The following ZFHX3 variants were observed in gnomAD, a reference collection of about 807,000 sequenced individuals.
ZFHX3 encodes the protein zinc finger homeobox protein 3.
Under a neutral mutation model 279.1 loss-of-function variants are expected in ZFHX3, and 42 were observed. That is an observed-to-expected ratio of 0.15 (90% CI 0.12 to 0.19). ZFHX3 has a LOEUF of 0.19. Among genes scored for constraint, ZFHX3 ranks in the 10% least tolerant of loss-of-function variants. The pLI is 1.00. For synonymous variants in ZFHX3, 2,293 were observed against 1,957.8 expected, an observed-to-expected ratio of 1.17 and a Z score of -4.52; for missense variants, 4,981 against 4,754.0, an observed-to-expected ratio of 1.05 and a Z score of -1.40.
intron 4 of ZFHX3, among the ~76,000 whole-genome samples, chr16:72,864,068 G>T (rs1291067693): frequency 6.6e-6 from 1 of 151,998 alleles, no homozygotes; most frequent in Non-Finnish European, 1.5e-5. Context: ...AGTGAGCCGA[G>T]ACAGTGCCAC....
At chr16:73,810,093 T>C (rs138657262) in intron 1 of ZFHX3, among the ~76,000 whole-genome samples, 3 of 152,170 alleles carry the variant, frequency 2.0e-5, no homozygotes, top group African/African-American at 7.2e-5. Context: ...AGTCTATATA[T>C]GAGGCTTAAT....
At chr16:72,808,386 T>C (rs2036334937) in intron 7 of ZFHX3, among the ~76,000 whole-genome samples, 2 of 152,182 alleles carry the variant, frequency 1.3e-5, no homozygotes, top group South Asian at 4.1e-4. Flanking sequence ...AAATGCATAG[T>C]TTGGCTCAAT....
At position 73,834,451 on chromosome 16, in the gene ZFHX3, C is replaced by T. The variant is rs538253644; in HGVS notation, c.-1608+57200G>A. Among the ~76,000 whole-genome samples, 3 of 152,274 alleles carry T rather than the reference C, an allele frequency of 2.0e-5. No individual in the cohort carries two copies. In the South Asian group the frequency reaches 6.2e-4, roughly 32 times the overall value. Reference sequence around the variant, plus strand: ...GTGTTCTTGGAGGGATGGCAGGTCCCAAGAGAAAGAAGCACACAGCCAAGC... The same window carrying T: ...GTGTTCTTGGAGGGATGGCAGGTCCTAAGAGAAAGAAGCACACAGCCAAGC... On this transcript the variant is annotated intron_variant, in intron 1 of 17. Transcript: ENST00000641206.
At chr16:72,910,425 T>G (rs543602302) in intron 3 of ZFHX3, among the ~76,000 whole-genome samples, 1 of 152,314 alleles carries the variant, frequency 6.6e-6, no homozygotes, top group East Asian at 1.9e-4. Flanking sequence ...TCCTGACATC[T>G]AAGAACAAGT....
chr16:73,047,267 T>C (rs772661273), intron 1 of ZFHX3, among the ~76,000 whole-genome samples: 33 of 150,148 alleles, frequency 2.2e-4, no homozygotes, highest in Non-Finnish European at 4.0e-4. Flanking sequence ...TTTCCAAGAG[T>C]GCGAAAAAAC....
chr16:72,856,494 C>T (rs1022109951), intron 4 of ZFHX3, among the ~76,000 whole-genome samples: 1 of 152,178 alleles, frequency 6.6e-6, no homozygotes, highest in African/African-American at 2.4e-5. Context: ...AGCTTAGATG[C>T]CTTCAAAATC....
At chr16:73,699,254 T>C (rs1484545587) in intron 1 of ZFHX3, among the ~76,000 whole-genome samples, 3 of 152,034 alleles carry the variant, frequency 2.0e-5, no homozygotes, top group Non-Finnish European at 4.4e-5. Flanking sequence ...ATAGTGGGGG[T>C]GTGTAAGGAA....
At chr16:72,828,997 CT>C (rs928267520) in intron 5 of ZFHX3, among the ~76,000 whole-genome samples, 282 of 145,066 alleles carry the variant, frequency 1.9e-3, no homozygotes, top group East Asian at 0.01. Flanking sequence ...AGCTGGGAAT[CT>C]TTTTTTTTTT....
intron 1 of ZFHX3, among the ~76,000 whole-genome samples, chr16:73,872,752 G>T (rs968270560): frequency 5.0e-5 from 4 of 79,598 alleles, no homozygotes; most frequent in Non-Finnish European, 7.1e-5. Flanking sequence ...GGTGGCGGGG[G>T]TTGGTGGTGG....
chr16:73,172,156 G>A (rs902329334), intron 5 of ZFHX3, among the ~76,000 whole-genome samples: 3 of 152,274 alleles, frequency 2.0e-5, no homozygotes, highest in Admixed American at 2.0e-4. Context: ...AGCATGTTCG[G>A]CCTTTTGAGA....
chr16:73,755,304 C>A (rs1442869843), intron 1 of ZFHX3, among the ~76,000 whole-genome samples: 3 of 151,934 alleles, frequency 2.0e-5, no homozygotes, highest in Admixed American at 6.6e-5. Flanking sequence ...CATATATAAA[C>A]CTGAATAAGA....
chr16:73,825,821 G>A (rs1398273653), intron 1 of ZFHX3, among the ~76,000 whole-genome samples: 1 of 80,608 alleles, frequency 1.2e-5, no homozygotes, highest in Non-Finnish European at 2.3e-5. Flanking sequence ...AGTATAGTTT[G>A]AAGTCAGGTA....
chr16:73,847,912 T>G (rs1015232368), intron 1 of ZFHX3, among the ~76,000 whole-genome samples: 2 of 142,516 alleles, frequency 1.4e-5, no homozygotes, highest in Admixed American at 6.9e-5. Context: ...TAGTTTTTTT[T>G]TTTTTTTTTT....
At chr16:73,154,816 A>T (rs1192294884) in intron 5 of ZFHX3, among the ~76,000 whole-genome samples, 1 of 152,180 alleles carries the variant, frequency 6.6e-6, no homozygotes, top group East Asian at 1.9e-4. Flanking sequence ...CCATTAAAAA[A>T]ATCAAAAGCA....
rs186496727 is a variant in ZFHX3, at chr16:73,681,186, C to T, written c.-1607-946G>A. Reference sequence around the variant, plus strand: ...ATGCATAAGCATCTTGCTATTATTTCCAGACTATAATGGCTAAACAAATTA... The same window carrying T: ...ATGCATAAGCATCTTGCTATTATTTTCAGACTATAATGGCTAAACAAATTA... On this transcript the variant is annotated intron_variant, in intron 1 of 17. Coordinates refer to the ZFHX3 transcript ENST00000641206. 3.3e-3 allele frequency among the ~76,000 whole-genome samples: 504 copies of T among 152,170 alleles called. 1 individual carries two copies. Among genetic ancestry groups the T allele is most frequent in the Non-Finnish European group, 4.6e-3 (313 of 68,010 alleles).
intron 3 of ZFHX3, among the ~76,000 whole-genome samples, chr16:73,441,874 T>C (rs1206318986): frequency 6.6e-6 from 1 of 152,210 alleles, no homozygotes; most frequent in African/African-American, 2.4e-5. Flanking sequence ...AACTGAAATG[T>C]GCTACAGAAG....
intron 2 of ZFHX3, among the ~76,000 whole-genome samples, chr16:73,620,640 G>C (rs937161344): frequency 2.0e-5 from 3 of 152,170 alleles, no homozygotes; most frequent in Non-Finnish European, 4.4e-5. Flanking sequence ...CCCAAGTTCA[G>C]AATTGATTCT....
intron 7 of ZFHX3, among the ~76,000 whole-genome samples, chr16:73,107,844 G>C (rs548020395): frequency 6.6e-6 from 1 of 152,174 alleles, no homozygotes; most frequent in Non-Finnish European, 1.5e-5. Context: ...GTGAGACTTC[G>C]TCTCTACAGA....
chr16:73,583,629 G>T (rs1296270026), intron 2 of ZFHX3, among the ~76,000 whole-genome samples: 1 of 152,148 alleles, frequency 6.6e-6, no homozygotes, highest in Non-Finnish European at 1.5e-5. Context: ...ACTTGTATAG[G>T]CAAGGCAAAT....
Sources: gnomAD v4.1 joint callset for allele counts (sites outside exome capture counted in the v4.1 genomes callset) on GRCh38, gnomAD v4.1.1 for gene constraint, MANE v1.5 for transcripts, NCBI Gene and HGNC (gene_info 2026-07-23, HGNC 2026-07-21) for gene names.